The following NIBAN1 variants were observed in gnomAD, a reference collection of about 807,000 sequenced individuals.
NIBAN1 encodes the protein niban apoptosis regulator 1, also known as protein Niban 1.
NIBAN1 carries 81 observed loss-of-function variants against 75.1 expected under a neutral mutation model. The ratio of observed to expected loss-of-function variants is 1.08; its 90% CI spans 0.90 to 1.30. NIBAN1 has a LOEUF of 1.30. Ranked by LOEUF, NIBAN1 falls within the 50% of genes most tolerant of loss-of-function variation. The pLI, the probability that NIBAN1 is intolerant of heterozygous loss-of-function variation, is 0.00. For missense variants in NIBAN1, 1,133 were observed against 1,128.1 expected, an observed-to-expected ratio of 1.00 and a Z score of -0.06; for synonymous variants, 436 against 424.8, an observed-to-expected ratio of 1.03 and a Z score of -0.32.
At chr1:184,907,016 A>G (rs182660464) in intron 1 of NIBAN1, among the ~76,000 whole-genome samples, 62 of 152,334 alleles carry the variant, frequency 4.1e-4, no homozygotes, top group Non-Finnish European at 8.4e-4. Context: ...TACATTCTAT[A>G]ATCTTCTCTG....
intron 1 of NIBAN1, 76 bp downstream of exon 1, chr1:184,974,226 T>C (rs886325598): frequency 3.9e-5 from 54 of 1,389,100 alleles, no homozygotes; most frequent in Non-Finnish European, 4.6e-5. Flanking sequence ...GGCGCGCCCC[T>C]TGGGGCCCCG....
At position 184,899,038 on chromosome 1, in the gene NIBAN1, T is replaced by C. The variant is rs969160215; in HGVS notation, c.186+141A>G. On this transcript the variant is annotated intron_variant, in intron 2 of 13. Coordinates refer to ENST00000367511, the MANE Select transcript of NIBAN1 (RefSeq NM_052966.4). ...TCATACATTCTAACTTCCAGGCAAA[T>C]AGAGTTTTTTGAGCATGAAACGACT... 7 of 883,514 alleles carry C rather than the reference T, an allele frequency of 7.9e-6. No homozygotes were observed. In the African/African-American group the frequency reaches 8.4e-5, roughly 11 times the overall value. The allele number at this position is 883,514 out of a possible 1,614,324, so 54.7% of individuals were successfully genotyped here.
intron 5 of NIBAN1, among the ~76,000 whole-genome samples, chr1:184,881,633 C>T (rs1656381727): frequency 6.6e-6 from 1 of 152,154 alleles, no homozygotes; most frequent in African/African-American, 2.4e-5. Context: ...CAGAGCAGCC[C>T]AGAGGGCTGC....
At position 184,889,252 on chromosome 1, in the gene NIBAN1, C is replaced by T. The variant is rs78543782; in HGVS notation, c.433+856G>A. On this transcript the variant is annotated intron_variant, in intron 4 of 13. Transcript: ENST00000367511. ...CAAAGAAGGTTAGACCTAGAAAGACCCTTCTAGGTTTTTAAGTTCAAAGCC... is the reference window on the plus strand; with the variant it reads ...CAAAGAAGGTTAGACCTAGAAAGACTCTTCTAGGTTTTTAAGTTCAAAGCC... Among the ~76,000 whole-genome samples, 513 of 152,136 alleles carry T rather than the reference C, an allele frequency of 3.4e-3. 8 individuals carry two copies. The East Asian group carries it at 0.039, about 11-fold the overall frequency.
In NIBAN1 at chr1:184,795,538, T is replaced by C. The variant is rs200364804; in HGVS notation, c.2226A>G (p.Gln742=). The change falls in exon 14 of 14, where the codon CAA becomes CAG. Residue 742 remains glutamine (Q), a synonymous_variant. Transcript: ENST00000367511. ...EDTNGESHVP[Q]ENEEEEEKEP... ...CTTTTTCCTCTTCTTCTTCATTTTC[T>C]TGGGGAACGTGGCTCTCCCCATTCG... The C allele has an allele frequency of 1.9e-6, 3 of 1,614,154 alleles. No homozygotes were observed. In the East Asian group the frequency reaches 6.7e-5, roughly 36 times the overall value.
At chr1:184,831,562 C>A (rs1050160789) in intron 6 of NIBAN1, among the ~76,000 whole-genome samples, 3 of 152,138 alleles carry the variant, frequency 2.0e-5, no homozygotes, top group African/African-American at 7.2e-5. Flanking sequence ...AGCACGAGGT[C>A]ATTTGAAAGA....
chr1:184,960,394 G>C (rs1168140825), intron 1 of NIBAN1, among the ~76,000 whole-genome samples: 1 of 152,058 alleles, frequency 6.6e-6, no homozygotes, highest in East Asian at 1.9e-4. Flanking sequence ...TTTTACAAAT[G>C]AAATACTTCT....
At chr1:184,932,221 T>C (rs770461506) in intron 1 of NIBAN1, among the ~76,000 whole-genome samples, 1 of 152,210 alleles carries the variant, frequency 6.6e-6, no homozygotes, top group Non-Finnish European at 1.5e-5. Context: ...TCAAGTGTAT[T>C]ACACTTATTG....
chr1:184,823,588 G>A lies in NIBAN1; in HGVS notation c.822+50C>T, dbSNP rs778612563. 8.2e-6 allele frequency: 13 copies of A among 1,577,496 alleles called. No homozygotes were observed. In the Admixed American group the frequency reaches 2.0e-4, roughly 24 times the overall value. ...AAATGCCCTAAAAGAAAAGGGAAGA[G>A]AATGTTCCCATTTTGAGTAGCTCAG... On this transcript the variant is annotated intron_variant, in intron 7 of 13. Transcript: ENST00000367511.
At chr1:184,863,592 G>T (rs1655874014) in intron 5 of NIBAN1, among the ~76,000 whole-genome samples, 1 of 152,112 alleles carries the variant, frequency 6.6e-6, no homozygotes, top group African/African-American at 2.4e-5. Flanking sequence ...TTACCTTCTG[G>T]AGCAAAACAA....
At chr1:184,892,622 G>A (rs1222611402) in intron 3 of NIBAN1, among the ~76,000 whole-genome samples, 2 of 152,100 alleles carry the variant, frequency 1.3e-5, no homozygotes, top group Non-Finnish European at 2.9e-5. Context: ...CTTGAGCTTT[G>A]CCTGGTAGCC....
rs1329616365 is a variant in NIBAN1, at chr1:184,812,214, T to C, written c.1174-3979A>G. Among the ~76,000 whole-genome samples the C allele has an allele frequency of 2.6e-5, 4 of 152,286 alleles. No homozygotes were observed. In the East Asian group the frequency reaches 7.7e-4, roughly 29 times the overall value. ...ACCATCTTGCCCAGAGACCACAAGT[T>C]GAAACTCCTAGTCGGAGGTTTGATT... On this transcript the variant is annotated intron_variant, in intron 9 of 13. Coordinates refer to ENST00000367511, the MANE Select transcript of NIBAN1 (RefSeq NM_052966.4).
chr1:184,852,763 C>G (rs1198147256), intron 5 of NIBAN1, among the ~76,000 whole-genome samples: 3 of 152,206 alleles, frequency 2.0e-5, no homozygotes, highest in Non-Finnish European at 4.4e-5. Flanking sequence ...TTTCTTCCCG[C>G]TAAACATTCT....
chr1:184,819,896 A>ATTCCCAAGAATCAT (rs1307351383), intron 8 of NIBAN1, among the ~76,000 whole-genome samples: 1 of 152,350 alleles, frequency 6.6e-6, no homozygotes, highest in Non-Finnish European at 1.5e-5. Context: ...GAATTTGCTT[A>ATTCCCAAGAATCAT]CAGTGAGATG....
At chr1:184,881,615 T>C (rs1047845411) in intron 5 of NIBAN1, among the ~76,000 whole-genome samples, 2 of 152,188 alleles carry the variant, frequency 1.3e-5, no homozygotes, top group African/African-American at 4.8e-5. Context: ...GAATGGCTGC[T>C]CCATAGACAG....
chr1:184,869,369 C>G (rs1054478827), intron 5 of NIBAN1, among the ~76,000 whole-genome samples: 1 of 152,124 alleles, frequency 6.6e-6, no homozygotes, highest in Non-Finnish European at 1.5e-5. Flanking sequence ...ATGCAAAACT[C>G]AGTAAAGAAA....
At chr1:184,903,129 T>G (rs1345808142) in intron 1 of NIBAN1, among the ~76,000 whole-genome samples, 1 of 152,262 alleles carries the variant, frequency 6.6e-6, no homozygotes, top group Non-Finnish European at 1.5e-5. Context: ...TTTCCTAAAT[T>G]GTTTATAAAA....
intron 12 of NIBAN1, among the ~76,000 whole-genome samples, chr1:184,802,172 C>T (rs777907049): frequency 1.3e-5 from 2 of 152,174 alleles, no homozygotes; most frequent in Non-Finnish European, 2.9e-5. Context: ...TTTTAAAAAG[C>T]TCTTGATGCT....
chr1:184,944,608 A>G (rs964656791), intron 1 of NIBAN1, among the ~76,000 whole-genome samples: 2 of 152,256 alleles, frequency 1.3e-5, no homozygotes, highest in African/African-American at 4.8e-5. Flanking sequence ...GAGACTATTA[A>G]GCAGTCTCTA....
Sources: gnomAD v4.1 joint callset for allele counts (sites outside exome capture counted in the v4.1 genomes callset) on GRCh38, gnomAD v4.1.1 for gene constraint, MANE v1.5 for transcripts, NCBI Gene and HGNC (gene_info 2026-07-23, HGNC 2026-07-21) for gene names.